TERB2: variants seen among roughly 807,000 people sequenced by gnomAD.
TERB2 encodes telomere repeat binding bouquet formation protein 2, also known as telomere repeats-binding bouquet formation protein 2.
TERB2 carries 26 observed loss-of-function variants against 29.8 expected under a neutral mutation model. The ratio of observed to expected loss-of-function variants is 0.87; its 90% CI spans 0.64 to 1.21. The LOEUF (loss-of-function observed/expected upper bound fraction) is 1.21. Among genes scored for constraint, TERB2 ranks in the 50% most tolerant of loss-of-function variants. The probability of loss-of-function intolerance (pLI) is 0.00; values close to 1 mark genes in which losing one functional copy is unlikely to be tolerated. For missense variants in TERB2, 240 were observed against 268.6 expected, an observed-to-expected ratio of 0.89 and a Z score of 0.74; for synonymous variants, 80 against 90.8, an observed-to-expected ratio of 0.88 and a Z score of 0.68.
At position 44,968,789 on chromosome 15, in the gene TERB2, A is replaced by C. The variant is rs146010874; in HGVS notation, c.434+2546A>C. On this transcript the variant is annotated intron_variant, in intron 5 of 6. Transcript: ENST00000340827. Reference sequence around the variant, plus strand: ...GCCTAGAATTTGTTACTTTTATGACACTTCCATGAACATCTTTTTAAAAAT... The same window carrying C: ...GCCTAGAATTTGTTACTTTTATGACCCTTCCATGAACATCTTTTTAAAAAT... 3.3e-4 allele frequency among the ~76,000 whole-genome samples: 50 copies of C among 151,602 alleles called. 1 individual carries two copies. The highest frequency in any genetic ancestry group is 1.2e-3 in the African/African-American group (49 of 41,382).
At chr15:44,966,949 T>C (rs1377554405) in intron 5 of TERB2, among the ~76,000 whole-genome samples, 2 of 152,064 alleles carry the variant, frequency 1.3e-5, no homozygotes, top group Non-Finnish European at 2.9e-5. Flanking sequence ...AAATTTAAAA[T>C]ACTAGCTGGG....
At chr15:44,975,087 A>G (rs1005966321) in intron 6 of TERB2, among the ~76,000 whole-genome samples, 1 of 152,214 alleles carries the variant, frequency 6.6e-6, no homozygotes, top group Non-Finnish European at 1.5e-5. Context: ...AAAAACTATT[A>G]AAAAATTAGT....
rs545358911 is a variant in TERB2 at position 44,977,584 on chromosome 15, A to G, written c.524-905A>G. 1.6e-3 allele frequency among the ~76,000 whole-genome samples: 250 copies of G among 152,292 alleles called. 1 individual carries two copies. The highest frequency in any genetic ancestry group is 5.8e-3 in the African/African-American group (243 of 41,576). ...GCTTCAAGAGCTCCTAAAGTAAATGACCATGATTAAAATATCTTTAAAGAT... is the reference window on the plus strand; with the variant it reads ...GCTTCAAGAGCTCCTAAAGTAAATGGCCATGATTAAAATATCTTTAAAGAT... On this transcript the variant is annotated intron_variant, in intron 6 of 6. Coordinates refer to ENST00000340827, the MANE Select transcript of TERB2 (RefSeq NM_152448.3).
intron 6 of TERB2, 74 bp downstream of exon 6, chr15:44,974,029 T>A: frequency 7.6e-7 from 1 of 1,317,208 alleles, no homozygotes. Context: ...ATAAAGCTGT[T>A]GTACTTCAGA....
intron 6 of TERB2, chr15:44,975,949 C>G (rs1282491555): frequency 6.6e-6 from 1 of 152,138 alleles, no homozygotes; most frequent in African/African-American, 2.4e-5. Flanking sequence ...ATTTTCAAAT[C>G]AAAAGGTTCT....
intron 6 of TERB2, among the ~76,000 whole-genome samples, chr15:44,977,767 TTC>T (rs1279621364): frequency 6.6e-6 from 1 of 152,216 alleles, no homozygotes; most frequent in African/African-American, 2.4e-5. Flanking sequence ...CAGAATTTTT[TTC>T]ACACAATATT....
At chr15:44,974,886 G>C (rs1414687922) in intron 6 of TERB2, among the ~76,000 whole-genome samples, 1 of 151,826 alleles carries the variant, frequency 6.6e-6, no homozygotes, top group Non-Finnish European at 1.5e-5. Context: ...TACTATCCCT[G>C]TTCATTTGGA....
chr15:44,973,927 G>A lies in TERB2; in HGVS notation c.495G>A (p.Gln165=), dbSNP rs1892007082. ...VVEKQMYFPL[Q]NYPVNNMVTG... Reference sequence around the variant, plus strand: ...AAAAGCAGATGTACTTCCCTCTACAGAATTACCCAGTTAACAACATGGTAA... The same window carrying A: ...AAAAGCAGATGTACTTCCCTCTACAAAATTACCCAGTTAACAACATGGTAA... Residue 165 remains glutamine, a synonymous_variant, in exon 6 of 7, where the codon CAG becomes CAA. Coordinates refer to ENST00000340827, the MANE Select transcript of TERB2 (RefSeq NM_152448.3). 1 of 1,600,064 alleles carries A rather than the reference G, an allele frequency of 6.2e-7. No individual in the cohort carries two copies. Among genetic ancestry groups the A allele is most frequent in the African/African-American group, 1.3e-5 (1 of 74,444 alleles).
In TERB2 at chr15:44,962,183, C is replaced by CT. The variant is rs776185424; in HGVS notation, c.348+614dup. ...AACAGGTGCATAGTATTTACCAGTT[C>CT]TTTTTTTTTTTTTTTGGAGACAGAG... is the stretch of plus-strand genomic sequence containing the variant. On this transcript the variant is annotated intron_variant, in intron 4 of 6. Coordinates refer to ENST00000340827, the MANE Select transcript of TERB2 (RefSeq NM_152448.3). Among the ~76,000 whole-genome samples the CT allele has an allele frequency of 6.1e-3, 847 of 138,194 alleles. 3 individuals carry two copies. Among genetic ancestry groups the CT allele is most frequent in the African/African-American group, 0.012 (454 of 37,652 alleles). 90.7% of individuals were successfully genotyped at this position (138,194 alleles called of 152,430 possible).
At chr15:44,973,805 G>A in intron 5 of TERB2, 62 bp from the exon 6 acceptor site, 3 of 1,105,530 alleles carry the variant, frequency 2.7e-6, no homozygotes, top group Non-Finnish European at 3.4e-6. Flanking sequence ...TAATATAAAT[G>A]TAATACATAT....
chr15:44,965,566 T>C (rs1346465715), intron 4 of TERB2, among the ~76,000 whole-genome samples: 1 of 144,324 alleles, frequency 6.9e-6, no homozygotes, highest in Non-Finnish European at 1.5e-5. Flanking sequence ...TATATATCTA[T>C]ATATTATATA....
intron 5 of TERB2, among the ~76,000 whole-genome samples, chr15:44,969,169 A>G (rs553301901): frequency 2.0e-5 from 3 of 152,248 alleles, no homozygotes; most frequent in African/African-American, 7.2e-5. Context: ...ATCTTGGCTC[A>G]CTATATCCTC....
intron 6 of TERB2, among the ~76,000 whole-genome samples, chr15:44,977,158 A>C: frequency 6.6e-6 from 1 of 152,074 alleles, no homozygotes; most frequent in Non-Finnish European, 1.5e-5. Context: ...TGGTGAGAGC[A>C]ATCATAGCTG....
Position 44,978,521 on chromosome 15 carries a change from C to T in TERB2, c.556C>T (p.Leu186Phe). The change falls in exon 7 of 7, where the codon CTT becomes TTT. Residue 186 changes from leucine to phenylalanine, a missense_variant. By Grantham distance (22) the Leu-to-Phe change is conservative. Transcript: ENST00000340827. ...ATCAATTGATGCCATGAAGAAATTCCTTGGGGAGCTACATGACTTCATTCC... is the reference window on the plus strand; with the variant it reads ...ATCAATTGATGCCATGAAGAAATTCTTTGGGGAGCTACATGACTTCATTCC... Reference protein sequence around the residue: ...YISIDAMKKFLGELHDFIPGT... With the variant: ...YISIDAMKKFFGELHDFIPGT... The T allele has an allele frequency of 6.2e-7, 1 of 1,604,220 alleles. No individual in the cohort carries two copies. Among genetic ancestry groups the T allele is most frequent in the South Asian group, 1.1e-5 (1 of 88,758 alleles).
intron 4 of TERB2, among the ~76,000 whole-genome samples, chr15:44,963,900 T>A (rs78808204): frequency 7.4e-6 from 1 of 135,040 alleles, no homozygotes; most frequent in Non-Finnish European, 1.5e-5. Flanking sequence ...GACCACCACC[T>A]CCTGGGTTGA....
Position 44,978,774 on chromosome 15 carries a change from CA to C in TERB2, c.*147del. The C allele has an allele frequency of 9.0e-7, 1 of 1,115,856 alleles. No homozygotes were observed. The highest frequency in any genetic ancestry group is 1.2e-6 in the Non-Finnish European group (1 of 857,040). 69.1% of individuals were successfully genotyped at this position (1,115,856 alleles called of 1,614,324 possible). ...TCTCAAAGTATATCTTTAGGAAATA[CA>C]GAATCATTTTGGTTCTGTGTTTTGA... is the stretch of plus-strand genomic sequence containing the variant. On this transcript the variant is annotated 3_prime_UTR_variant, in exon 7 of 7. Coordinates refer to ENST00000340827, the MANE Select transcript of TERB2 (RefSeq NM_152448.3).
intron 6 of TERB2, among the ~76,000 whole-genome samples, chr15:44,975,910 T>G (rs1892040280): frequency 6.6e-6 from 1 of 152,232 alleles, no homozygotes; most frequent in East Asian, 1.9e-4. Flanking sequence ...AAGCAATTAC[T>G]AATAATTGTA....
chr15:44,960,264 T>A (rs1891780166), intron 3 of TERB2, among the ~76,000 whole-genome samples: 1 of 152,256 alleles, frequency 6.6e-6, no homozygotes, highest in African/African-American at 2.4e-5. Context: ...ACCTTTTTAA[T>A]CTGCCTATTG....
intron 5 of TERB2, among the ~76,000 whole-genome samples, chr15:44,973,351 T>G (rs147238593): frequency 7.7e-4 from 117 of 152,328 alleles, no homozygotes; most frequent in African/African-American, 2.8e-3. Flanking sequence ...TCTAAATATA[T>G]AGTATTGCAT....
Sources: gnomAD v4.1 joint callset for allele counts (sites outside exome capture counted in the v4.1 genomes callset) on GRCh38, gnomAD v4.1.1 for gene constraint, MANE v1.5 for transcripts, NCBI Gene and HGNC (gene_info 2026-07-23, HGNC 2026-07-21) for gene names.